The following SULT1A1 variants were observed in gnomAD, a reference collection of about 807,000 sequenced individuals.
The protein encoded by SULT1A1 is sulfotransferase family 1A member 1.
Under a neutral mutation model 36.8 loss-of-function variants are expected in SULT1A1, and 35 were observed. That is an observed-to-expected ratio of 0.95 (90% CI 0.73 to 1.26). The LOEUF is 1.26. Ranked by LOEUF, SULT1A1 falls within the 50% of genes most tolerant of loss-of-function variation. The pLI is 0.00. For synonymous variants in SULT1A1, 119 were observed against 146.0 expected (o/e 0.82, Z 1.33); for missense variants, 309 against 383.0 (o/e 0.81, Z 1.61).
rs779823375 is a variant in SULT1A1, at chr16:28,609,962, C to G, written c.-36G>C. 3.1e-6 allele frequency: 4 copies of G among 1,288,064 alleles called. 1 individual carries two copies. Among genetic ancestry groups the G allele is most frequent in the Non-Finnish European group, 4.1e-6 (4 of 987,556 alleles). 79.8% of individuals were successfully genotyped at this position (1,288,064 alleles called of 1,614,324 possible). On this transcript the variant is annotated 5_prime_UTR_variant, in exon 1 of 8. Transcript: ENST00000314752. ...TCTTGGGAACCTGGCCTCGTGCCCT[C>G]CTCGCCCGCAGTGGCTGATTGTGGG...
At position 28,605,521 on chromosome 16, in the gene SULT1A1, C is replaced by T. The variant is rs1362013103; in HGVS notation, c.*300G>A. The T allele has an allele frequency of 8.0e-6, 4 of 499,732 alleles. No homozygotes were observed. Among genetic ancestry groups the T allele is most frequent in the Non-Finnish European group, 3.6e-6 (1 of 279,148 alleles). 31.0% of individuals were successfully genotyped at this position (499,732 alleles called of 1,614,324 possible). A position where few individuals can be genotyped will look rare whatever the true frequency, so the allele number is the denominator to read the frequency against. On this transcript the variant is annotated 3_prime_UTR_variant, in exon 8 of 8. Transcript: ENST00000314752. ...TCCTGTCCTCCAGTGATCCTCTAGC[C>T]TCAACTTCTCAAATTGCTGGGATTA...
chr16:28,610,149 G>A (rs1470425198), upstream of SULT1A1: 1 of 1,285,638 alleles, frequency 7.8e-7, no homozygotes, highest in Admixed American at 2.3e-5. Flanking sequence ...TGTGCCAGCT[G>A]GAGACAAGCT....
At position 28,608,596 on chromosome 16, in the gene SULT1A1, G is replaced by A; in HGVS notation, c.156C>T (p.Thr52=). 2 of 1,612,178 alleles carry A rather than the reference G, an allele frequency of 1.2e-6. No individual in the cohort carries two copies. Among genetic ancestry groups the A allele is most frequent in the Non-Finnish European group, 1.7e-6 (2 of 1,178,438 alleles). The part of the protein sequence containing the change: ...LISTYPKSGT[T]WVSQILDMIY... ...TCATGTCCAGAATCTGGCTTACCCA[G>A]GTAGTGCCTGGAGAGGGAGGGAGAT... The change falls in exon 3 of 8, where the codon ACC becomes ACT. Residue 52 remains threonine, a synonymous_variant. Transcript: ENST00000314752.
At position 28,608,685 on chromosome 16, in the gene SULT1A1, G is replaced by A. The variant is rs375126160; in HGVS notation, c.148+23C>T. 1.1e-4 allele frequency: 175 copies of A among 1,611,932 alleles called. No homozygotes were observed. In the African/African-American group the frequency reaches 2.2e-3, roughly 20 times the overall value. ...AGGTGGGGACTGCCACCTGGGAGAG[G>A]GTGGGTGGCCCTCCTCACTTACCGG... On this transcript the variant is annotated intron_variant, in intron 2 of 7. Transcript: ENST00000314752.
At chr16:28,616,893 G>C (rs984379752) in intron 2 of SULT1A1, among the ~76,000 whole-genome samples, 3 of 152,140 alleles carry the variant, frequency 2.0e-5, no homozygotes, top group African/African-American at 7.2e-5. Context: ...ACACCAAACT[G>C]CCTGTGGTTT....
intron 2 of SULT1A1, chr16:28,619,938 C>T (rs1835390987): frequency 2.8e-6 from 2 of 710,430 alleles, no homozygotes; most frequent in East Asian, 5.8e-5. Flanking sequence ...TATACATATA[C>T]ACATATATAC....
At chr16:28,617,820 G>A (rs1276069701) in intron 2 of SULT1A1, among the ~76,000 whole-genome samples, 2 of 151,850 alleles carry the variant, frequency 1.3e-5, no homozygotes, top group East Asian at 1.9e-4. Flanking sequence ...GTGAGTTGTC[G>A]TGCCCGGCCG....
Position 28,607,086 on chromosome 16 carries a change from G to A in SULT1A1, c.373-9C>T, listed in dbSNP as rs2047232444. The A allele has an allele frequency of 6.2e-7, 1 of 1,611,968 alleles. No individual in the cohort carries two copies. The highest frequency in any genetic ancestry group is 1.7e-5 in the Admixed American group (1 of 59,906). ...CGGGCAACATAGACCACCTGCAGGG[G>A]CAGAAGACTCAACCCCAGCACCATC... On this transcript the variant is annotated splice_polypyrimidine_tract_variant and intron_variant, in intron 4 of 7. Coordinates refer to ENST00000314752, the MANE Select transcript of SULT1A1 (RefSeq NM_001055.4).
rs2047625007 is a variant in SULT1A1, at chr16:28,620,247, A to G, written c.68-114T>C. 8.2e-6 allele frequency: 8 copies of G among 977,498 alleles called. No homozygotes were observed. In the Admixed American group the frequency reaches 9.0e-5, roughly 11 times the overall value. The allele number at this position is 977,498 out of a possible 1,614,324, so 60.6% of individuals were successfully genotyped here. A position where few individuals can be genotyped will look rare whatever the true frequency, so the allele number is the denominator to read the frequency against. ...AAGTAACCATCACTATCATCCATCA[A>G]TATGACCCTCTGATCCTACAGTGAA... On this transcript the variant is annotated intron_variant, in intron 1 of 5. Transcript: ENST00000350842.
At chr16:28,621,812 T>C (rs574210152) in intron 1 of SULT1A1, among the ~76,000 whole-genome samples, 27 of 152,168 alleles carry the variant, frequency 1.8e-4, no homozygotes, top group African/African-American at 6.0e-4. Context: ...CTATAGAAAT[T>C]GCAATGATGA....
At chr16:28,618,020 T>C (rs2047579308) in intron 2 of SULT1A1, among the ~76,000 whole-genome samples, 1 of 150,662 alleles carries the variant, frequency 6.6e-6, no homozygotes, top group Non-Finnish European at 1.5e-5. Flanking sequence ...AGCTTCTTTC[T>C]TTCCCAATTC....
intron 2 of SULT1A1, among the ~76,000 whole-genome samples, chr16:28,619,240 T>C (rs2047604349): frequency 6.6e-6 from 1 of 152,014 alleles, no homozygotes; most frequent in African/African-American, 2.4e-5. Context: ...TTCAAACTCC[T>C]GACATCAAGT....
In SULT1A1 at chr16:28,605,581, A is replaced by C; in HGVS notation, c.*240T>G. The C allele has an allele frequency of 1.4e-6, 1 of 703,882 alleles. No homozygotes were observed. The highest frequency in any genetic ancestry group is 2.3e-6 in the Non-Finnish European group (1 of 436,466). 43.6% of individuals were successfully genotyped at this position (703,882 alleles called of 1,614,324 possible). A position where few individuals can be genotyped will look rare whatever the true frequency, so the allele number is the denominator to read the frequency against. ...GCCACTCTGCCTGGCCCACAATCAT[A>C]TTTTATTCTCTTTTTAAAAATTGGT... On this transcript the variant is annotated 3_prime_UTR_variant, in exon 8 of 8. Transcript: ENST00000314752.
chr16:28,610,279 T>TTTTG, upstream of SULT1A1: 2 of 1,131,850 alleles, frequency 1.8e-6, no homozygotes, highest in Non-Finnish European at 2.3e-6. Context: ...TTTTTTTTTT[T>TTTTG]TTTTTTTTTT....
chr16:28,616,471 A>G (rs543344866), intron 2 of SULT1A1, among the ~76,000 whole-genome samples: 64 of 152,110 alleles, frequency 4.2e-4, no homozygotes, highest in African/African-American at 1.3e-3. Context: ...TATTTTTAGT[A>G]GAGACTGGGT....
Position 28,618,336 on chromosome 16 carries a change from G to A in SULT1A1, c.138+1727C>T, listed in dbSNP as rs574638977. On this transcript the variant is annotated intron_variant, in intron 2 of 5. Transcript: ENST00000350842. ...TACAAGTGTGAGCCGGCTACTTCCCGCTCTTTTTTTTTTTTTTTTTTTTTT... is the reference window on the plus strand; with the variant it reads ...TACAAGTGTGAGCCGGCTACTTCCCACTCTTTTTTTTTTTTTTTTTTTTTT... 6.3e-3 allele frequency among the ~76,000 whole-genome samples: 539 copies of A among 85,176 alleles called. 1 individual carries two copies. The highest frequency in any genetic ancestry group is 0.011 in the Non-Finnish European group (406 of 38,106). The allele number at this position is 85,176 out of a possible 152,430, so 55.9% of individuals were successfully genotyped here. A position where few individuals can be genotyped will look rare whatever the true frequency, so the allele number is the denominator to read the frequency against.
chr16:28,621,279 C>T (rs961302202), intron 1 of SULT1A1, among the ~76,000 whole-genome samples: 10 of 151,406 alleles, frequency 6.6e-5, no homozygotes, highest in Admixed American at 3.3e-4. Context: ...TTCAGGAGTT[C>T]GAGACGACCC....
chr16:28,610,894 C>G (rs2047426632), upstream of SULT1A1: 1 of 152,254 alleles, frequency 6.6e-6, no homozygotes, highest in South Asian at 2.1e-4. Context: ...GGTAAACAAC[C>G]ATCTGAGTAA....
chr16:28,607,670 A>T (rs1468729987), intron 4 of SULT1A1: 1 of 65,038 alleles, frequency 1.5e-5, no homozygotes, highest in Non-Finnish European at 4.1e-5. Context: ...AAAAAAAAAA[A>T]AAAAAAGGAC....
Sources: gnomAD v4.1 joint callset for allele counts (sites outside exome capture counted in the v4.1 genomes callset) on GRCh38, gnomAD v4.1.1 for gene constraint, MANE v1.5 for transcripts, NCBI Gene and HGNC (gene_info 2026-07-23, HGNC 2026-07-21) for gene names.